AARS1: variants seen among roughly 807,000 people sequenced by gnomAD.
AARS1 encodes the protein alanine--tRNA ligase, cytoplasmic.
Under a neutral mutation model 108.9 loss-of-function variants are expected in AARS1, and 72 were observed. That is an observed-to-expected ratio of 0.66 (90% CI 0.55 to 0.80). The LOEUF is 0.80. Among genes scored for constraint, AARS1 ranks in the 30% least tolerant of loss-of-function variants. The pLI is 0.00. For missense variants in AARS1, 1,193 were observed against 1,233.2 expected (o/e 0.97, Z 0.49); for synonymous variants, 489 against 465.7 (o/e 1.05, Z -0.64).
At chr16:70,270,122 C>G (rs1175368636) in intron 6 of AARS1, 74 bp downstream of exon 6, 1 of 1,576,134 alleles carries the variant, frequency 6.3e-7, no homozygotes, top group Non-Finnish European at 8.7e-7. Context: ...GTCATTTTTT[C>G]TTTGACAGCA....
chr16:70,266,507 C>A (rs955770721), intron 9 of AARS1, among the ~76,000 whole-genome samples: 1 of 149,956 alleles, frequency 6.7e-6, no homozygotes, highest in Non-Finnish European at 1.5e-5. Context: ...AAAACAAAAA[C>A]AACCTCACCT....
At chr16:70,275,960 A>AAC (rs1960539267) in intron 4 of AARS1, 3 of 150,044 alleles carry the variant, frequency 2.0e-5, no homozygotes, top group African/African-American at 7.5e-5. Context: ...AAAAAAAAAA[A>AAC]ACCATATGAA....
At chr16:70,289,205 TG>T (rs1465036095) in intron 1 of AARS1, among the ~76,000 whole-genome samples, 1 of 151,964 alleles carries the variant, frequency 6.6e-6, no homozygotes, top group African/African-American at 2.4e-5. Flanking sequence ...CGTGAGGTAT[TG>T]GTGCTCAGCA....
Position 70,255,715 on chromosome 16 carries a change from C to G in AARS1, c.2286+13G>C. 6.2e-7 allele frequency: 1 copy of G among 1,613,490 alleles called. No individual in the cohort carries two copies. On this transcript the variant is annotated intron_variant, in intron 16 of 20. Coordinates refer to ENST00000261772, the MANE Select transcript of AARS1 (RefSeq NM_001605.3). Reference sequence around the variant, plus strand: ...TTCTTCAGATAAGCCACAAACCAGCCTGACCTGCTCACCTTCTGGGCCTCG... The same window carrying G: ...TTCTTCAGATAAGCCACAAACCAGCGTGACCTGCTCACCTTCTGGGCCTCG...
chr16:70,263,227 C>T (rs1195226766), intron 11 of AARS1, among the ~76,000 whole-genome samples: 1 of 152,022 alleles, frequency 6.6e-6, no homozygotes, highest in Admixed American at 6.6e-5. Flanking sequence ...CCAAGGTCAA[C>T]TCACAAAGAA....
At chr16:70,264,906 C>T (rs1960226648) in intron 11 of AARS1, 52 bp downstream of exon 11, 24 of 1,609,888 alleles carry the variant, frequency 1.5e-5, no homozygotes, top group Admixed American at 3.3e-5. Flanking sequence ...TTTCAAATAC[C>T]CCCCAGATAC....
chr16:70,274,495 G>A (rs1960489443), intron 4 of AARS1, among the ~76,000 whole-genome samples: 1 of 151,994 alleles, frequency 6.6e-6, no homozygotes, highest in Non-Finnish European at 1.5e-5. Flanking sequence ...GGAGGCCGAG[G>A]CGTGTGGATC....
chr16:70,261,393 C>T (rs1960127891), intron 12 of AARS1: 4 of 369,982 alleles, frequency 1.1e-5, no homozygotes, highest in Admixed American at 3.8e-5. Flanking sequence ...GCCAGGAGTT[C>T]GAGACCAGCT....
chr16:70,265,182 T>G lies in AARS1; in HGVS notation c.1348-80A>C, dbSNP rs142332030. 3.2e-6 allele frequency: 5 copies of G among 1,558,040 alleles called. No individual in the cohort carries two copies. In the Admixed American group the frequency reaches 8.4e-5, roughly 26 times the overall value. ...CAAAGGACTGGAACTTGCTAAACTA[T>G]GCCCAGCATAAACTGCCAGAACAGG... On this transcript the variant is annotated intron_variant, in intron 10 of 20. Coordinates refer to ENST00000261772, the MANE Select transcript of AARS1 (RefSeq NM_001605.3).
intron 15 of AARS1, 48 bp from the exon 16 acceptor site, chr16:70,255,884 C>T: frequency 1.9e-6 from 3 of 1,559,172 alleles, no homozygotes; most frequent in Non-Finnish European, 2.6e-6. Flanking sequence ...CCTGGCAGCC[C>T]TTGGCTGGGG....
chr16:70,283,085 C>T (rs1960743421), intron 1 of AARS1, among the ~76,000 whole-genome samples: 1 of 152,064 alleles, frequency 6.6e-6, no homozygotes, highest in South Asian at 2.1e-4. Flanking sequence ...CTGTGTCAGG[C>T]CCGAGACTAG....
At chr16:70,280,319 C>T (rs891271541) in intron 2 of AARS1, among the ~76,000 whole-genome samples, 2 of 151,988 alleles carry the variant, frequency 1.3e-5, no homozygotes, top group East Asian at 3.9e-4. Context: ...CAGGTTCCAG[C>T]GATTCTCCTG....
chr16:70,265,611 G>C lies in AARS1; in HGVS notation c.1274C>G (p.Thr425Ser). The C allele has an allele frequency of 3.7e-6, 6 of 1,613,934 alleles. No individual in the cohort carries two copies. Among genetic ancestry groups the C allele is most frequent in the Non-Finnish European group, 5.1e-6 (6 of 1,179,918 alleles). The change falls in exon 10 of 21, where the codon ACT (threonine) becomes AGT (serine). Residue 425 changes from threonine (T) to serine (S), a missense_variant. Transcript: ENST00000261772. ...GCCCTTCTCTTCAGCAATCAGTCCA[G>C]TCAGATCCACTGGAAACCCATAGGT... ...YDTYGFPVDL[T>S]GLIAEEKGLV...
chr16:70,282,144 T>C (rs951855546), intron 2 of AARS1, among the ~76,000 whole-genome samples: 1 of 149,976 alleles, frequency 6.7e-6, no homozygotes, highest in South Asian at 2.1e-4. Context: ...AGAGCAAGAC[T>C]CCGTCTCAAA....
In AARS1 at chr16:70,267,801, T is replaced by C; in HGVS notation, c.1080A>G (p.Ala360=). 1 of 1,614,144 alleles carries C rather than the reference T, an allele frequency of 6.2e-7. No homozygotes were observed. The change falls in exon 9 of 21, where the codon GCA becomes GCG. Residue 360 remains alanine (A), a synonymous_variant. Coordinates refer to ENST00000261772, the MANE Select transcript of AARS1 (RefSeq NM_001605.3). ...VDVVVQSLGD[A]FPELKKDPDM... ...CTGGGTCCTTCTTCAGCTCAGGAAA[T>C]GCATCTCCCTGACAAAGGGGAAGCA... is the stretch of plus-strand genomic sequence containing the variant.
intron 4 of AARS1, among the ~76,000 whole-genome samples, chr16:70,275,090 T>C (rs146575564): frequency 1.1e-3 from 171 of 151,562 alleles, no homozygotes; most frequent in Middle Eastern, 6.8e-3. Flanking sequence ...TGAAATCCCA[T>C]CTCTACTAAA....
chr16:70,286,610 G>A (rs1004227836), intron 1 of AARS1, among the ~76,000 whole-genome samples: 28 of 152,152 alleles, frequency 1.8e-4, no homozygotes, highest in African/African-American at 6.5e-4. Flanking sequence ...GGTCGAGGCG[G>A]GTGGATCACA....
intron 8 of AARS1, 128 bp downstream of exon 8, chr16:70,268,143 G>A: frequency 1.1e-6 from 1 of 889,064 alleles, no homozygotes; most frequent in Non-Finnish European, 1.8e-6. Context: ...ACTCCAGCGT[G>A]GGTGACAGAG....
At chr16:70,257,970 G>A (rs908524380) in intron 15 of AARS1, 63 bp downstream of exon 15, 1 of 1,574,576 alleles carries the variant, frequency 6.4e-7, no homozygotes, top group African/African-American at 1.4e-5. Context: ...TCCAGCCTAA[G>A]ACCTACATCC....
Sources: allele counts gnomAD v4.1 joint callset (sites outside exome capture counted in the v4.1 genomes callset), GRCh38; gene constraint gnomAD v4.1.1; transcripts MANE v1.5; gene names NCBI Gene and HGNC (gene_info 2026-07-23, HGNC 2026-07-21).